Variants in GRIA1 observed in about 807,000 individuals in gnomAD.
The protein encoded by GRIA1 is glutamate ionotropic receptor AMPA type subunit 1.
Under a neutral mutation model 99.2 loss-of-function variants are expected in GRIA1, and 31 were observed. The observed-to-expected ratio is 0.31, with a 90% CI of 0.23 to 0.42. The LOEUF (loss-of-function observed/expected upper bound fraction) is 0.42, where lower values mean the gene tolerates loss of function less well. GRIA1 is among the 10% of genes least tolerant of loss of function. The probability of loss-of-function intolerance (pLI) is 1.00; values close to 1 mark genes in which losing one functional copy is unlikely to be tolerated. For synonymous variants in GRIA1, 438 were observed against 432.4 expected (o/e 1.01, Z -0.16); for missense variants, 782 against 1,157.5 (o/e 0.68, Z 4.71).
intron 2 of GRIA1, among the ~76,000 whole-genome samples, chr5:153,635,837 C>A (rs565678814): frequency 6.6e-6 from 1 of 152,178 alleles, no homozygotes; most frequent in Non-Finnish European, 1.5e-5. Context: ...TCAAGACTGG[C>A]GTCTCCTCTG....
intron 11 of GRIA1, among the ~76,000 whole-genome samples, chr5:153,751,057 G>T (rs1561829623): frequency 6.6e-6 from 1 of 152,104 alleles, no homozygotes; most frequent in African/African-American, 2.4e-5. Flanking sequence ...CCGAGATCAC[G>T]CCACTGCACT....
chr5:153,760,193 T>A (rs1330275319), intron 11 of GRIA1, among the ~76,000 whole-genome samples: 1 of 151,946 alleles, frequency 6.6e-6, no homozygotes, highest in Non-Finnish European at 1.5e-5. Context: ...AGTCCTAGCC[T>A]GAGCAATCAG....
rs546629316 is a variant in GRIA1, at chr5:153,678,537, A to G, written c.1029+1376A>G. 1.5e-4 allele frequency among the ~76,000 whole-genome samples: 23 copies of G among 152,242 alleles called. 1 individual carries two copies. The South Asian group carries it at 4.4e-3, about 29-fold the overall frequency. The stretch of plus-strand genomic sequence containing the variant: ...AGACACCAGGCAGCTTGCAGGGGAA[A>G]ATTGCCAAATGGACAGTGCCTGCGC... On this transcript the variant is annotated intron_variant, in intron 7 of 15. Coordinates refer to ENST00000285900, the MANE Select transcript of GRIA1 (RefSeq NM_000827.4).
intron 2 of GRIA1, among the ~76,000 whole-genome samples, chr5:153,628,762 G>A (rs1279315610): frequency 6.6e-6 from 1 of 152,094 alleles, no homozygotes; most frequent in Non-Finnish European, 1.5e-5. Context: ...ATACAATAGA[G>A]CAAATTATTG....
At chr5:153,491,125 C>A in intron 1 of GRIA1, 155 bp downstream of exon 1, 1 of 998,348 alleles carries the variant, frequency 1.0e-6, no homozygotes, top group Non-Finnish European at 1.5e-6. Flanking sequence ...GGCTTACAGC[C>A]AGAGGAGGGG....
intron 2 of GRIA1, among the ~76,000 whole-genome samples, chr5:153,575,840 C>T (rs1336897558): frequency 6.6e-6 from 1 of 152,166 alleles, no homozygotes; most frequent in Non-Finnish European, 1.5e-5. Context: ...GATCACCAGC[C>T]CACCAGGCTG....
chr5:153,657,903 C>T (rs1438992848), intron 5 of GRIA1, among the ~76,000 whole-genome samples: 1 of 152,126 alleles, frequency 6.6e-6, no homozygotes, highest in Non-Finnish European at 1.5e-5. Flanking sequence ...AGAGTCTCAC[C>T]CTCCAAAGAC....
intron 1 of GRIA1, 87 bp downstream of exon 1, chr5:153,491,057 TACTG>T (rs1387031389): frequency 3.1e-6 from 4 of 1,275,052 alleles, no homozygotes; most frequent in Non-Finnish European, 3.4e-6. Context: ...CCCTCCCCGG[TACTG>T]ACTGTTTTGC....
At chr5:153,625,995 C>G (rs1301159932) in intron 2 of GRIA1, among the ~76,000 whole-genome samples, 1 of 152,130 alleles carries the variant, frequency 6.6e-6, no homozygotes, top group Admixed American at 6.6e-5. Context: ...TGTGGAGAGT[C>G]AACTGACTGT....
intron 2 of GRIA1, among the ~76,000 whole-genome samples, chr5:153,553,039 A>G (rs1056391785): frequency 6.6e-6 from 1 of 152,238 alleles, no homozygotes; most frequent in African/African-American, 2.4e-5. Context: ...TGCCAGGATT[A>G]CAGGCATGAG....
At chr5:153,540,339 G>A (rs1312211443) in intron 2 of GRIA1, among the ~76,000 whole-genome samples, 1 of 152,196 alleles carries the variant, frequency 6.6e-6, no homozygotes, top group Non-Finnish European at 1.5e-5. Context: ...GTCTGGCTTG[G>A]ATTAACTCTT....
chr5:153,583,449 C>T (rs1763217810), intron 2 of GRIA1, among the ~76,000 whole-genome samples: 1 of 152,102 alleles, frequency 6.6e-6, no homozygotes, highest in Non-Finnish European at 1.5e-5. Context: ...GCCATCAATC[C>T]TGGGTGATCC....
chr5:153,641,140 C>G (rs1206295468), intron 2 of GRIA1, among the ~76,000 whole-genome samples: 1 of 151,982 alleles, frequency 6.6e-6, no homozygotes, highest in Non-Finnish European at 1.5e-5. Flanking sequence ...GCCTGAAAGT[C>G]CCCCCATTCA....
chr5:153,727,346 C>T (rs1364561969), intron 11 of GRIA1, among the ~76,000 whole-genome samples: 1 of 152,168 alleles, frequency 6.6e-6, no homozygotes, highest in African/African-American at 2.4e-5. Flanking sequence ...TGCCCTCTCT[C>T]ACCACTCCTA....
intron 14 of GRIA1, among the ~76,000 whole-genome samples, chr5:153,799,416 G>A (rs1399847991): frequency 6.6e-6 from 1 of 152,218 alleles, no homozygotes; most frequent in South Asian, 2.1e-4. Context: ...ACCATGGCCT[G>A]AGGCCTCCTT....
chr5:153,569,298 C>G (rs901309999), intron 2 of GRIA1, among the ~76,000 whole-genome samples: 4 of 152,200 alleles, frequency 2.6e-5, no homozygotes, highest in Non-Finnish European at 5.9e-5. Flanking sequence ...CTCTAAGGGT[C>G]TATGCTACAG....
intron 13 of GRIA1, among the ~76,000 whole-genome samples, chr5:153,782,253 C>A (rs550711441): frequency 6.6e-6 from 1 of 152,304 alleles, no homozygotes; most frequent in African/African-American, 2.4e-5. Context: ...TCAAAGTTCA[C>A]ACAGCGAGTA....
At chr5:153,795,029 T>A (rs1299620643) in intron 14 of GRIA1, among the ~76,000 whole-genome samples, 1 of 152,116 alleles carries the variant, frequency 6.6e-6, no homozygotes, top group Non-Finnish European at 1.5e-5. Context: ...CCAGAAATGT[T>A]CCACCTCCTC....
intron 2 of GRIA1, among the ~76,000 whole-genome samples, chr5:153,541,732 C>T (rs1405153999): frequency 6.6e-6 from 1 of 151,974 alleles, no homozygotes; most frequent in Non-Finnish European, 1.5e-5. Context: ...GAGATTGAGA[C>T]CATCCTGGCC....
Sources: allele counts gnomAD v4.1 joint callset (sites outside exome capture counted in the v4.1 genomes callset), GRCh38; gene constraint gnomAD v4.1.1; transcripts MANE v1.5; gene names NCBI Gene and HGNC (gene_info 2026-07-23, HGNC 2026-07-21).